Variants in CSMD1 observed in about 807,000 individuals in gnomAD.
The protein encoded by CSMD1 is CUB and Sushi multiple domains 1.
In CSMD1, 213 loss-of-function variants were observed where a neutral mutation model predicts 417.5. The ratio of observed to expected loss-of-function variants is 0.51; its 90% CI spans 0.46 to 0.57. The LOEUF (loss-of-function observed/expected upper bound fraction) is 0.57. Ranked by LOEUF, CSMD1 falls within the 20% of genes least tolerant of loss-of-function variation. The pLI is 0.00. For synonymous variants in CSMD1, 2,862 were observed against 1,736.8 expected, an observed-to-expected ratio of 1.65 and a Z score of -16.11; for missense variants, 6,923 against 4,529.7, an observed-to-expected ratio of 1.53 and a Z score of -15.17.
At chr8:3,788,447 A>C (rs2623671) in intron 5 of CSMD1, among the ~76,000 whole-genome samples, 149,129 of 152,194 alleles carry the variant, frequency 0.98, 73,138 homozygotes, top group East Asian at 1. Context: ...CAGCTGAGAT[A>C]AGAGGCAGAA....
chr8:3,691,140 G>A (rs867296212), intron 7 of CSMD1, among the ~76,000 whole-genome samples: 5 of 152,216 alleles, frequency 3.3e-5, no homozygotes, highest in Middle Eastern at 3.4e-3. Context: ...GCCGGGGCAG[G>A]CGGATCACCT....
intron 3 of CSMD1, among the ~76,000 whole-genome samples, chr8:4,363,234 G>A (rs927599850): frequency 3.9e-5 from 6 of 152,112 alleles, no homozygotes; most frequent in Non-Finnish European, 7.4e-5. Flanking sequence ...CAAGGTCAGT[G>A]TTTCTCAATT....
intron 21 of CSMD1, among the ~76,000 whole-genome samples, chr8:3,351,138 G>A (rs752411153): frequency 2.0e-5 from 3 of 152,164 alleles, no homozygotes; most frequent in Non-Finnish European, 2.9e-5. Flanking sequence ...ATTTCTCAGT[G>A]AATATGTAAT....
At chr8:4,227,852 C>T (rs1345606381) in intron 3 of CSMD1, among the ~76,000 whole-genome samples, 1 of 150,434 alleles carries the variant, frequency 6.6e-6, no homozygotes, top group African/African-American at 2.5e-5. Context: ...AAACCCCACA[C>T]CAGGAGACAC....
chr8:3,042,553 G>A (rs1811171647), intron 50 of CSMD1, among the ~76,000 whole-genome samples: 1 of 152,134 alleles, frequency 6.6e-6, no homozygotes, highest in African/African-American at 2.4e-5. Flanking sequence ...AGCGGGACGG[G>A]CACTTTACGC....
chr8:3,772,173 T>TATAC (rs1554430667), intron 5 of CSMD1, among the ~76,000 whole-genome samples: 2 of 63,950 alleles, frequency 3.1e-5, no homozygotes, highest in Admixed American at 4.2e-4. Context: ...GCAACATATA[T>TATAC]ATATATATAT....
chr8:4,660,728 G>A (rs1260986964), intron 1 of CSMD1, among the ~76,000 whole-genome samples: 1 of 151,908 alleles, frequency 6.6e-6, no homozygotes, highest in Non-Finnish European at 1.5e-5. Flanking sequence ...TCACATATTT[G>A]ACAAAGGACT....
intron 30 of CSMD1, among the ~76,000 whole-genome samples, chr8:3,209,269 AT>A (rs1384011136): frequency 6.9e-6 from 1 of 145,884 alleles, no homozygotes; most frequent in Non-Finnish European, 1.5e-5. Flanking sequence ...TATGGATAGA[AT>A]TTTTATTTAT....
intron 5 of CSMD1, among the ~76,000 whole-genome samples, chr8:3,955,938 C>T (rs944350817): frequency 3.3e-5 from 5 of 152,156 alleles, no homozygotes; most frequent in East Asian, 1.9e-4. Context: ...GGATTACAGG[C>T]GCCCAACACC....
chr8:3,414,122 G>C (rs1268857286), intron 12 of CSMD1, among the ~76,000 whole-genome samples: 1 of 138,990 alleles, frequency 7.2e-6, no homozygotes, highest in Non-Finnish European at 1.5e-5. Context: ...CTGTGTGACA[G>C]AGCGAGACTC....
intron 1 of CSMD1, among the ~76,000 whole-genome samples, chr8:4,708,528 T>C (rs533830226): frequency 5.9e-5 from 9 of 152,158 alleles, no homozygotes; most frequent in African/African-American, 2.2e-4. Flanking sequence ...CTCTTAAAAA[T>C]GAAGGTAAAT....
chr8:4,398,431 C>T (rs1385939579), intron 3 of CSMD1, among the ~76,000 whole-genome samples: 1 of 116,252 alleles, frequency 8.6e-6, no homozygotes, highest in African/African-American at 3.3e-5. Flanking sequence ...CTCACTCTGT[C>T]ACCCCAGGCT....
chr8:3,062,569 A>AT, intron 49 of CSMD1, among the ~76,000 whole-genome samples: 1 of 151,796 alleles, frequency 6.6e-6, no homozygotes, highest in East Asian at 1.9e-4. Flanking sequence ...AAAAAAAAAA[A>AT]GCCCAGCAGC....
chr8:4,238,012 G>A (rs941430139), intron 3 of CSMD1, among the ~76,000 whole-genome samples: 2 of 152,148 alleles, frequency 1.3e-5, no homozygotes, highest in Admixed American at 6.5e-5. Context: ...TGGGCGGGAC[G>A]AACCACATCA....
At chr8:4,960,973 T>G (rs539897668) in intron 1 of CSMD1, among the ~76,000 whole-genome samples, 12 of 152,252 alleles carry the variant, frequency 7.9e-5, no homozygotes, top group African/African-American at 2.4e-4. Flanking sequence ...TTAGCCCATC[T>G]TATCTATTGA....
intron 2 of CSMD1, among the ~76,000 whole-genome samples, chr8:4,592,352 T>TA: frequency 6.6e-6 from 1 of 152,018 alleles, no homozygotes; most frequent in South Asian, 2.1e-4. Context: ...ACAAATATTT[T>TA]AAAAAATATA....
At chr8:4,520,810 G>A (rs1803405488) in intron 2 of CSMD1, among the ~76,000 whole-genome samples, 1 of 152,114 alleles carries the variant, frequency 6.6e-6, no homozygotes, top group Admixed American at 6.5e-5. Context: ...TTATATTGGA[G>A]TGCCCTGTAA....
In CSMD1 at chr8:3,197,348, G is replaced by A. The variant is rs17391320; in HGVS notation, c.5194+2366C>T. The stretch of plus-strand genomic sequence containing the variant: ...CAAGGGTTAGCTATCCTACAACCAC[G>A]GAAGACATAAAGTCTGTGTGCAATT... On this transcript the variant is annotated intron_variant, in intron 33 of 69. Coordinates refer to ENST00000635120, the MANE Select transcript of CSMD1 (RefSeq NM_033225.6). Among the ~76,000 whole-genome samples the A allele has an allele frequency of 9.0e-3, 1,371 of 152,194 alleles. 10 individuals are homozygous for A. Among genetic ancestry groups the A allele is most frequent in the Non-Finnish European group, 0.014 (976 of 68,010 alleles).
intron 2 of CSMD1, among the ~76,000 whole-genome samples, chr8:4,440,447 T>G (rs1447173671): frequency 6.6e-6 from 1 of 152,186 alleles, no homozygotes; most frequent in Non-Finnish European, 1.5e-5. Context: ...ACAAAATCAT[T>G]GTTCATCTTG....
Sources: allele counts gnomAD v4.1 joint callset (sites outside exome capture counted in the v4.1 genomes callset), GRCh38; gene constraint gnomAD v4.1.1; transcripts MANE v1.5; gene names NCBI Gene and HGNC (gene_info 2026-07-23, HGNC 2026-07-21).